The following MYO3A variants were observed in gnomAD, a reference collection of about 807,000 sequenced individuals.
MYO3A encodes the protein myosin-IIIa.
MYO3A carries 180 observed loss-of-function variants against 192.7 expected under a neutral mutation model. That is an observed-to-expected ratio of 0.93 (90% CI 0.83 to 1.06). MYO3A has a LOEUF of 1.06. MYO3A is among the 50% of genes least tolerant of loss of function. The probability of loss-of-function intolerance (pLI) is 0.00; values close to 1 mark genes in which losing one functional copy is unlikely to be tolerated. For missense variants in MYO3A, 1,896 were observed against 1,905.0 expected (o/e 1.00, Z 0.09); for synonymous variants, 628 against 645.3 (o/e 0.97, Z 0.41).
intron 22 of MYO3A, 33 bp from the exon 23 acceptor site, chr10:26,147,397 G>T: frequency 1.9e-6 from 3 of 1,589,704 alleles, no homozygotes; most frequent in South Asian, 1.1e-5. Flanking sequence ...CAATGACATT[G>T]ATTGTGATAA....
At chr10:26,055,919 T>C (rs1043371482) in intron 10 of MYO3A, among the ~76,000 whole-genome samples, 10 of 152,206 alleles carry the variant, frequency 6.6e-5, no homozygotes, top group African/African-American at 2.4e-4. Context: ...GGAGTTACTT[T>C]TACCCAGTCT....
chr10:26,128,661 T>A, intron 20 of MYO3A, 123 bp downstream of exon 20: 1 of 1,047,232 alleles, frequency 9.5e-7, no homozygotes, highest in Non-Finnish European at 1.4e-6. Context: ...ACAAAAGATT[T>A]TTATTATCTC....
At chr10:26,062,794 C>A (rs1234603441) in intron 10 of MYO3A, among the ~76,000 whole-genome samples, 1 of 151,884 alleles carries the variant, frequency 6.6e-6, no homozygotes, top group Admixed American at 6.6e-5. Context: ...GAAAGAAAAT[C>A]GAAAGACAGG....
intron 17 of MYO3A, among the ~76,000 whole-genome samples, chr10:26,102,440 G>A (rs1837516919): frequency 6.6e-6 from 1 of 152,180 alleles, no homozygotes; most frequent in Non-Finnish European, 1.5e-5. Context: ...TTCCGTTGCT[G>A]GTGAGGAGCT....
chr10:26,075,593 A>C (rs553903134), intron 14 of MYO3A, among the ~76,000 whole-genome samples: 2 of 133,952 alleles, frequency 1.5e-5, no homozygotes, highest in South Asian at 5.2e-4. Context: ...TATATATGAT[A>C]TATATATGTC....
intron 17 of MYO3A, among the ~76,000 whole-genome samples, chr10:26,116,755 A>T (rs1838528171): frequency 6.6e-6 from 1 of 152,100 alleles, no homozygotes; most frequent in Non-Finnish European, 1.5e-5. Flanking sequence ...TTACATTTGG[A>T]GTGAGATAAT....
chr10:26,064,528 A>G (rs1834695502), intron 10 of MYO3A, among the ~76,000 whole-genome samples: 1 of 150,664 alleles, frequency 6.6e-6, no homozygotes, highest in Non-Finnish European at 1.5e-5. Context: ...AGGAACTTTG[A>G]GCAGAGTAGT....
chr10:26,031,315 C>T (rs1335749469), intron 10 of MYO3A, among the ~76,000 whole-genome samples: 4 of 152,228 alleles, frequency 2.6e-5, no homozygotes, highest in Non-Finnish European at 5.9e-5. Context: ...AGCTAAAAGG[C>T]TGCCACTGAA....
intron 10 of MYO3A, among the ~76,000 whole-genome samples, chr10:26,056,261 T>C (rs1834104202): frequency 6.6e-6 from 1 of 152,032 alleles, no homozygotes; most frequent in Non-Finnish European, 1.5e-5. Flanking sequence ...CTCTGAGATA[T>C]ATCAATAGAA....
intron 4 of MYO3A, among the ~76,000 whole-genome samples, chr10:25,963,330 A>G (rs912102089): frequency 1.3e-5 from 2 of 152,172 alleles, no homozygotes. Context: ...TGTGTCATGC[A>G]TTATTGGTTG....
chr10:25,935,595 T>G (rs1836007797), intron 1 of MYO3A, 149 bp from the exon 2 acceptor site: 1 of 152,250 alleles, frequency 6.6e-6, no homozygotes, highest in Non-Finnish European at 1.5e-5. Flanking sequence ...TTGTTCATTG[T>G]GTAAAAGTGC....
At chr10:26,173,008 C>CT (rs1343384062) in intron 29 of MYO3A, among the ~76,000 whole-genome samples, 2 of 151,086 alleles carry the variant, frequency 1.3e-5, no homozygotes, top group African/African-American at 4.9e-5. Context: ...TCCATCTTAA[C>CT]TTTTTTCTTG....
chr10:26,039,536 CTT>C (rs1843221846), intron 10 of MYO3A, among the ~76,000 whole-genome samples: 1 of 151,976 alleles, frequency 6.6e-6, no homozygotes, highest in Admixed American at 6.6e-5. Context: ...TGCTGGGAGA[CTT>C]TTTATGACGG....
intron 4 of MYO3A, among the ~76,000 whole-genome samples, chr10:25,994,442 A>C (rs931589990): frequency 6.6e-6 from 1 of 152,192 alleles, no homozygotes; most frequent in Non-Finnish European, 1.5e-5. Flanking sequence ...AATACAGCAC[A>C]CTGATGGGTC....
At chr10:26,061,221 G>T (rs530941809) in intron 10 of MYO3A, among the ~76,000 whole-genome samples, 1 of 152,094 alleles carries the variant, frequency 6.6e-6, no homozygotes, top group Admixed American at 6.6e-5. Flanking sequence ...GAGCCACCAC[G>T]CCCGGCCGAC....
intron 10 of MYO3A, among the ~76,000 whole-genome samples, chr10:26,062,643 C>G (rs1167755318): frequency 6.6e-6 from 1 of 151,746 alleles, no homozygotes; most frequent in African/African-American, 2.4e-5. Context: ...TTCTCCCAGT[C>G]TGTGGCTTGG....
intron 32 of MYO3A, 54 bp downstream of exon 32, chr10:26,193,365 A>G (rs1843247604): frequency 1.4e-6 from 2 of 1,411,782 alleles, no homozygotes; most frequent in African/African-American, 2.8e-5. Context: ...ACTAATGGCC[A>G]GTGTGAAAAC....
At chr10:25,951,436 T>C (rs1837202109) in intron 2 of MYO3A, among the ~76,000 whole-genome samples, 1 of 152,120 alleles carries the variant, frequency 6.6e-6, no homozygotes, top group Admixed American at 6.6e-5. Flanking sequence ...TCTGAAAGAT[T>C]AGTAGGTTTT....
intron 26 of MYO3A, among the ~76,000 whole-genome samples, chr10:26,163,420 TGACAGTGG>T (rs1841578242): frequency 6.6e-6 from 1 of 151,144 alleles, no homozygotes. Flanking sequence ...GGCAGGGGAG[TGACAGTGG>T]AGGTAACTAG....
Sources: allele counts gnomAD v4.1 joint callset (sites outside exome capture counted in the v4.1 genomes callset), GRCh38; gene constraint gnomAD v4.1.1; transcripts MANE v1.5; gene names NCBI Gene and HGNC (gene_info 2026-07-23, HGNC 2026-07-21).